Variants in ALK observed in about 807,000 individuals in gnomAD.
The protein encoded by ALK is ALK tyrosine kinase receptor.
A neutral mutation model predicts 163.1 loss-of-function variants in ALK; 74 were observed. That is an observed-to-expected ratio of 0.45 (90% CI 0.38 to 0.55). The LOEUF is 0.55. Ranked by LOEUF, ALK falls within the 20% of genes least tolerant of loss-of-function variation. ALK has a pLI of 0.00. For synonymous variants in ALK, 960 were observed against 843.2 expected (o/e 1.14, Z -2.40); for missense variants, 2,063 against 2,105.3 (o/e 0.98, Z 0.39).
chr2:29,561,617 G>C (rs1558384939), intron 3 of ALK, among the ~76,000 whole-genome samples: 1 of 152,216 alleles, frequency 6.6e-6, no homozygotes, highest in Non-Finnish European at 1.5e-5. Flanking sequence ...TTCAAAGCCA[G>C]TGATCTGTGC....
chr2:29,759,549 T>C (rs1680642033), intron 1 of ALK, among the ~76,000 whole-genome samples: 1 of 152,240 alleles, frequency 6.6e-6, no homozygotes, highest in African/African-American at 2.4e-5. Context: ...CTTGACATGC[T>C]TTCTGGGAAA....
chr2:29,786,769 G>T (rs1369180757), intron 1 of ALK, among the ~76,000 whole-genome samples: 2 of 152,028 alleles, frequency 1.3e-5, no homozygotes, highest in Non-Finnish European at 2.9e-5. Context: ...ATTTCCCTGG[G>T]AGTTTTTTTT....
chr2:29,859,438 T>C (rs1318007747), intron 1 of ALK, among the ~76,000 whole-genome samples: 1 of 152,196 alleles, frequency 6.6e-6, no homozygotes, highest in Non-Finnish European at 1.5e-5. Flanking sequence ...GAACAAACCA[T>C]GCTCAAGAAC....
At chr2:29,259,347 C>A (rs1665026974) in intron 11 of ALK, among the ~76,000 whole-genome samples, 1 of 152,170 alleles carries the variant, frequency 6.6e-6, no homozygotes, top group South Asian at 2.1e-4. Flanking sequence ...ATAGCCATTA[C>A]ATATGCTTCT....
chr2:29,672,329 C>A (rs1677725189), intron 3 of ALK, among the ~76,000 whole-genome samples: 2 of 150,090 alleles, frequency 1.3e-5, no homozygotes, highest in South Asian at 2.1e-4. Flanking sequence ...CTCCCCCTTC[C>A]CCCCACCCCA....
At chr2:29,723,403 G>A (rs528405996) in intron 1 of ALK, among the ~76,000 whole-genome samples, 1 of 152,190 alleles carries the variant, frequency 6.6e-6, no homozygotes, top group Non-Finnish European at 1.5e-5. Context: ...ATCCTGCTGA[G>A]AGACAACTCA....
chr2:29,588,443 C>A (rs1422733790), intron 3 of ALK, among the ~76,000 whole-genome samples: 2 of 152,042 alleles, frequency 1.3e-5, no homozygotes, highest in Non-Finnish European at 2.9e-5. Context: ...GTTGGTCAGG[C>A]TGGTTTCGAA....
intron 3 of ALK, among the ~76,000 whole-genome samples, chr2:29,590,082 A>G (rs1478846596): frequency 6.6e-6 from 1 of 152,176 alleles, no homozygotes; most frequent in East Asian, 1.9e-4. Flanking sequence ...CTTGTCATCA[A>G]ATGAACTTCT....
At chr2:29,368,714 T>G (rs1668570478) in intron 5 of ALK, among the ~76,000 whole-genome samples, 1 of 152,184 alleles carries the variant, frequency 6.6e-6, no homozygotes, top group African/African-American at 2.4e-5. Flanking sequence ...TCATAGCCTT[T>G]TTCTCCCTTT....
At chr2:29,514,492 G>A (rs941854387) in intron 4 of ALK, among the ~76,000 whole-genome samples, 3 of 152,154 alleles carry the variant, frequency 2.0e-5, no homozygotes, top group African/African-American at 4.8e-5. Context: ...AGGGCTTGAA[G>A]ACTACTCCTG....
intron 1 of ALK, among the ~76,000 whole-genome samples, chr2:29,792,330 G>T (rs529315715): frequency 2.0e-5 from 3 of 152,084 alleles, no homozygotes; most frequent in South Asian, 4.1e-4. Context: ...GTCTGTATAA[G>T]AATTTAATAT....
chr2:29,771,696 C>A (rs2631980), intron 1 of ALK, among the ~76,000 whole-genome samples: 31 of 152,062 alleles, frequency 2.0e-4, no homozygotes, highest in Non-Finnish European at 4.3e-4. Flanking sequence ...CACCATGCCC[C>A]GCTAATTTTT....
chr2:29,597,925 C>A (rs905244084), intron 3 of ALK, among the ~76,000 whole-genome samples: 2 of 152,144 alleles, frequency 1.3e-5, no homozygotes, highest in Admixed American at 6.5e-5. Flanking sequence ...TGGGCCACTG[C>A]CAGCATCTGC....
Position 29,223,405 on chromosome 2 carries a change from G to A in ALK, c.3296C>T (p.Ala1099Val), listed in dbSNP as rs756462911. The change falls in exon 20 of 29, where the codon GCT (alanine) becomes GTT (valine). Residue 1099 changes from alanine (A) to valine (V), a missense_variant. Transcript: ENST00000389048. ...GTCACTGATGGAGGAGGTCTTGCCA[G>A]CAAAGCAGTAGTTGGGGTTGTAGTC... The part of the protein sequence containing the change: ...MTDYNPNYCF[A>V]GKTSSISDLK... The A allele has an allele frequency of 6.2e-7, 1 of 1,614,202 alleles. No homozygotes were observed. Among genetic ancestry groups the A allele is most frequent in the Non-Finnish European group, 8.5e-7 (1 of 1,180,046 alleles).
At chr2:29,809,196 C>T (rs1398491247) in intron 1 of ALK, among the ~76,000 whole-genome samples, 1 of 152,244 alleles carries the variant, frequency 6.6e-6, no homozygotes, top group African/African-American at 2.4e-5. Context: ...GCTTACCACA[C>T]AAGTACATTT....
intron 24 of ALK, among the ~76,000 whole-genome samples, chr2:29,210,324 G>C (rs1191518496): frequency 2.0e-5 from 3 of 152,150 alleles, no homozygotes. Flanking sequence ...AGGCAGATTT[G>C]GTACAAACCA....
intron 5 of ALK, among the ~76,000 whole-genome samples, chr2:29,334,422 T>C (rs985641673): frequency 2.0e-5 from 3 of 152,066 alleles, no homozygotes; most frequent in African/African-American, 4.8e-5. Flanking sequence ...AAGCTCCGAG[T>C]GGTTAGTGGC....
At chr2:29,248,712 G>A (rs1664747071) in intron 12 of ALK, among the ~76,000 whole-genome samples, 1 of 152,154 alleles carries the variant, frequency 6.6e-6, no homozygotes, top group South Asian at 2.1e-4. Context: ...AATGCACTGT[G>A]GAAATAATGT....
intron 1 of ALK, among the ~76,000 whole-genome samples, chr2:29,721,203 C>T (rs1679410771): frequency 6.6e-6 from 1 of 152,208 alleles, no homozygotes; most frequent in African/African-American, 2.4e-5. Flanking sequence ...GCTCTTGACA[C>T]TCTGAATTTT....
Sources: allele counts gnomAD v4.1 joint callset (sites outside exome capture counted in the v4.1 genomes callset), GRCh38; gene constraint gnomAD v4.1.1; transcripts MANE v1.5; gene names NCBI Gene and HGNC (gene_info 2026-07-23, HGNC 2026-07-21).